Variants in NFRKB observed in about 807,000 individuals in gnomAD.
NFRKB encodes the protein nuclear factor related to kappa-B-binding protein.
Under a neutral mutation model 135.7 loss-of-function variants are expected in NFRKB, and 62 were observed. That is an observed-to-expected ratio of 0.46 (90% CI 0.37 to 0.56). The LOEUF (loss-of-function observed/expected upper bound fraction) is 0.56. Ranked by LOEUF, NFRKB falls within the 20% of genes least tolerant of loss-of-function variation. The pLI is 0.00. For synonymous variants in NFRKB, 678 were observed against 635.6 expected (o/e 1.07, Z -1.00); for missense variants, 1,545 against 1,662.0 (o/e 0.93, Z 1.22).
In NFRKB at chr11:129,873,916, G is replaced by C. The variant is rs367597642; in HGVS notation, c.2379C>G (p.Val793=). 1.2e-6 allele frequency: 2 copies of C among 1,613,620 alleles called. No individual in the cohort carries two copies. Among genetic ancestry groups the C allele is most frequent in the Admixed American group, 1.7e-5 (1 of 60,016 alleles). The change falls in exon 22 of 27, where the codon GTC becomes GTG. Residue 793 remains valine (V), a synonymous_variant. Coordinates refer to ENST00000682444, the MANE Select transcript of NFRKB (RefSeq NM_001143835.2). ...TAPSSQAAAR[V]VSHSGSAGLS... ...GTCCAGCAGAGCCAGAGTGGCTCACGACCCGGGCGGCAGCCTGAGAACTGG... is the reference window on the plus strand; with the variant it reads ...GTCCAGCAGAGCCAGAGTGGCTCACCACCCGGGCGGCAGCCTGAGAACTGG...
chr11:129,882,400 A>G, intron 10 of NFRKB, 51 bp downstream of exon 10: 2 of 1,594,162 alleles, frequency 1.3e-6, no homozygotes, highest in Middle Eastern at 1.9e-4. Context: ...GGCACAGCCT[A>G]TGGCTTACCC....
At chr11:129,888,064 G>T (rs1171746108) in intron 4 of NFRKB, among the ~76,000 whole-genome samples, 1 of 152,160 alleles carries the variant, frequency 6.6e-6, no homozygotes, top group Non-Finnish European at 1.5e-5. Flanking sequence ...ATTTGAACAT[G>T]AAATAGCCTA....
intron 14 of NFRKB, 46 bp downstream of exon 14, chr11:129,878,418 C>T (rs764300243): frequency 2.0e-5 from 33 of 1,612,678 alleles, no homozygotes; most frequent in Non-Finnish European, 2.8e-5. Flanking sequence ...CTTAAGAGCT[C>T]TGGAAACCCA....
chr11:129,893,303 A>G (rs1284496309), intron 2 of NFRKB: 2 of 457,270 alleles, frequency 4.4e-6, no homozygotes, highest in Admixed American at 4.9e-5. Flanking sequence ...CTACAATCTC[A>G]GTACTTTGGG....
intron 23 of NFRKB, among the ~76,000 whole-genome samples, chr11:129,871,446 C>T (rs970618563): frequency 2.6e-5 from 4 of 152,174 alleles, no homozygotes; most frequent in African/African-American, 9.7e-5. Context: ...TGCCACTACA[C>T]CTCACACCTT....
chr11:129,868,287 G>GA (rs1468563812), intron 24 of NFRKB, among the ~76,000 whole-genome samples: 1 of 152,102 alleles, frequency 6.6e-6, no homozygotes, highest in Non-Finnish European at 1.5e-5. Context: ...ACCTCAAAAG[G>GA]AAAGTGGCAA....
rs759904935 is a variant in NFRKB, at chr11:129,892,745, T to A, written c.105A>T (p.Arg35Ser). 7.4e-6 allele frequency: 12 copies of A among 1,613,996 alleles called. No homozygotes were observed. The highest frequency in any genetic ancestry group is 1.0e-5 in the Non-Finnish European group (12 of 1,180,040). Reference sequence around the variant, plus strand: ...CCAGAAGGTCCTCGGGCAGACTAACTCTGGTGCCTCCCAGGAGGCAATCCT... The same window carrying A: ...CCAGAAGGTCCTCGGGCAGACTAACACTGGTGCCTCCCAGGAGGCAATCCT... Reference protein sequence around the residue: ...IMEDCLLGGTRVSLPEDLLED... With the variant: ...IMEDCLLGGTSVSLPEDLLED... Residue 35 changes from arginine (R) to serine (S), a missense_variant, in exon 3 of 27, where the codon AGA (arginine) becomes AGT (serine). This residue lies in a region of NFRKB where 678 missense variants were observed against 646.7 expected (regional missense o/e 1.05). Coordinates refer to ENST00000682444, the MANE Select transcript of NFRKB (RefSeq NM_001143835.2).
intron 17 of NFRKB, 58 bp downstream of exon 17, chr11:129,876,663 A>C: frequency 6.4e-7 from 1 of 1,568,684 alleles, no homozygotes; most frequent in Non-Finnish European, 8.7e-7. Flanking sequence ...CAGAGTTGGT[A>C]AGAGAAAAGC....
At chr11:129,869,366 AG>A (rs886668940) in intron 24 of NFRKB, 127 bp downstream of exon 24, 100 of 1,034,216 alleles carry the variant, frequency 9.7e-5, no homozygotes, top group Non-Finnish European at 1.3e-4. Context: ...AGGTGCTTTT[AG>A]GGCCTCTAAT....
At chr11:129,881,098 A>AG (rs1235803039) in intron 13 of NFRKB, among the ~76,000 whole-genome samples, 1 of 152,252 alleles carries the variant, frequency 6.6e-6, no homozygotes, top group Non-Finnish European at 1.5e-5. Flanking sequence ...TTTTTAGGAA[A>AG]GAAAAAATTT....
At chr11:129,867,426 C>T (rs1395969422) in intron 24 of NFRKB, among the ~76,000 whole-genome samples, 1 of 147,914 alleles carries the variant, frequency 6.8e-6, no homozygotes. Context: ...AAATGATTAT[C>T]CTGCCTCAGC....
intron 7 of NFRKB, among the ~76,000 whole-genome samples, 165 bp from the exon 8 acceptor site, chr11:129,884,308 C>T (rs559391305): frequency 1.3e-5 from 2 of 152,264 alleles, no homozygotes; most frequent in South Asian, 4.1e-4. Flanking sequence ...CTTTTCCATA[C>T]GTTGGTAATA....
chr11:129,888,946 T>A, intron 3 of NFRKB, 151 bp from the exon 4 acceptor site: 1 of 598,916 alleles, frequency 1.7e-6, no homozygotes, highest in East Asian at 2.8e-5. Context: ...GCATTCACAT[T>A]TGCTGTGCAA....
Position 129,870,201 on chromosome 11 carries a change from C to T in NFRKB, c.2824G>A (p.Ala942Thr). ...TTACCCTGGATGCGGAAGTTAGTGGCTGTGAGTGGAATGCTGTTGCCTGTT... is the reference window on the plus strand; with the variant it reads ...TTACCCTGGATGCGGAAGTTAGTGGTTGTGAGTGGAATGCTGTTGCCTGTT... The part of the protein sequence containing the change: ...PQTGNSIPLT[A>T]TNFRIQGKDV... Residue 942 changes from alanine (A) to threonine (T), a missense_variant, in exon 24 of 27, where the codon GCC becomes ACC. Transcript: ENST00000682444. 1 of 1,614,172 alleles carries T rather than the reference C, an allele frequency of 6.2e-7. No homozygotes were observed. Among genetic ancestry groups the T allele is most frequent in the Non-Finnish European group, 8.5e-7 (1 of 1,180,036 alleles).
chr11:129,869,102 G>T (rs1948363398), intron 24 of NFRKB, among the ~76,000 whole-genome samples: 1 of 152,182 alleles, frequency 6.6e-6, no homozygotes, highest in Admixed American at 6.5e-5. Flanking sequence ...GTACATGTAT[G>T]AAAATGCTCA....
chr11:129,893,162 A>T (rs1949632838), intron 2 of NFRKB: 2 of 962,256 alleles, frequency 2.1e-6, no homozygotes, highest in African/African-American at 3.3e-5. Flanking sequence ...ACTGAGAATA[A>T]ATGATAAACA....
intron 24 of NFRKB, 125 bp downstream of exon 24, chr11:129,869,369 G>T (rs2135637289): frequency 2.8e-6 from 3 of 1,055,296 alleles, no homozygotes; most frequent in Non-Finnish European, 4.0e-6. Context: ...TGCTTTTAGG[G>T]CCTCTAATTT....
In NFRKB at chr11:129,875,000, G is replaced by T. The variant is rs144247991; in HGVS notation, c.1855-84C>A. On this transcript the variant is annotated intron_variant, in intron 18 of 26. Coordinates refer to ENST00000682444, the MANE Select transcript of NFRKB (RefSeq NM_001143835.2). This position sits in a 1 kb window ranked among gnomAD's most constrained non-coding sequence, Gnocchi z 4.5. ...TGAACTCTAGGAAAAAAATGTCATTGTATCTAAATCACAGCTGATGCAGAT... is the reference window on the plus strand; with the variant it reads ...TGAACTCTAGGAAAAAAATGTCATTTTATCTAAATCACAGCTGATGCAGAT... The T allele has an allele frequency of 7.8e-6, 12 of 1,546,482 alleles. No individual in the cohort carries two copies. In the East Asian group the frequency reaches 2.5e-4, roughly 32 times the overall value.
At chr11:129,868,812 T>C (rs943907577) in intron 24 of NFRKB, among the ~76,000 whole-genome samples, 1 of 152,156 alleles carries the variant, frequency 6.6e-6, no homozygotes, top group Admixed American at 6.6e-5. Flanking sequence ...GAGGATCATC[T>C]GAGGTCAGGA....
Sources: gnomAD v4.1 joint callset for allele counts (sites outside exome capture counted in the v4.1 genomes callset) on GRCh38, gnomAD v4.1.1 for gene constraint, gnomAD v4.1.1 regional missense constraint, Gnocchi (gnomAD v3.1) non-coding constraint, MANE v1.5 for transcripts, NCBI Gene and HGNC (gene_info 2026-07-23, HGNC 2026-07-21) for gene names.